Variants in TDRD7 observed in about 807,000 individuals in gnomAD.
The protein encoded by TDRD7 is tudor domain-containing protein 7.
TDRD7 carries 47 observed loss-of-function variants against 109.8 expected under a neutral mutation model. The ratio of observed to expected loss-of-function variants is 0.43; its 90% CI spans 0.34 to 0.55. TDRD7 has a LOEUF of 0.55. Ranked by LOEUF, TDRD7 falls within the 20% of genes least tolerant of loss-of-function variation. TDRD7 has a pLI of 0.03. For synonymous variants in TDRD7, 424 were observed against 457.3 expected (o/e 0.93, Z 0.93); for missense variants, 1,164 against 1,319.2 (o/e 0.88, Z 1.82).
chr9:97,483,339 A>C lies in TDRD7; in HGVS notation c.2903A>C (p.Lys968Thr), dbSNP rs1265285054. Residue 968 changes from lysine (K) to threonine (T), a missense_variant, in exon 15 of 17, where the codon AAA becomes ACA. Around this residue, in one of 5 missense-constraint regions of TDRD7, gnomAD observed 162 missense variants for 222.5 expected, o/e 0.73. Transcript: ENST00000355295. ...AVEKDQVYAA[K>T]VENKWHRVLL... ...GAGAAAGACCAAGTGTATGCTGCAAAAGTGGAAAATAAGTAGGTCCTTGGA... is the reference window on the plus strand; with the variant it reads ...GAGAAAGACCAAGTGTATGCTGCAACAGTGGAAAATAAGTAGGTCCTTGGA... The C allele has an allele frequency of 6.2e-7, 1 of 1,613,994 alleles. No individual in the cohort carries two copies. The highest frequency in any genetic ancestry group is 1.1e-5 in the South Asian group (1 of 91,082).
At chr9:97,415,147 T>A (rs1827791379) in intron 1 of TDRD7, among the ~76,000 whole-genome samples, 1 of 152,240 alleles carries the variant, frequency 6.6e-6, no homozygotes, top group South Asian at 2.1e-4. Context: ...CTAATAATTC[T>A]TCTGATTTGT....
At chr9:97,441,159 A>G (rs1231622274) in intron 5 of TDRD7, among the ~76,000 whole-genome samples, 1 of 152,142 alleles carries the variant, frequency 6.6e-6, no homozygotes, top group Non-Finnish European at 1.5e-5. Flanking sequence ...TAAAGGTGAA[A>G]ATTGATCATA....
intron 6 of TDRD7, among the ~76,000 whole-genome samples, chr9:97,454,148 A>G (rs950746111): frequency 2.6e-5 from 4 of 152,350 alleles, no homozygotes; most frequent in East Asian, 3.9e-4. Flanking sequence ...ATTTGGAAGT[A>G]AAATGCTCCT....
At position 97,412,433 on chromosome 9, in the gene TDRD7, C is replaced by T. The variant is rs1451402274; in HGVS notation, c.-7+195C>T. ...GACGCCTGGGAACCGGGCTGGGCGC[C>T]GGGGGAGTTGGAGTTCCAGAGCGTT... is the stretch of plus-strand genomic sequence containing the variant. On this transcript the variant is annotated intron_variant, in intron 1 of 16. Coordinates refer to ENST00000355295, the MANE Select transcript of TDRD7 (RefSeq NM_014290.3). This position sits in a 1 kb window ranked among gnomAD's most constrained non-coding sequence, Gnocchi z 4.3. Among the ~76,000 whole-genome samples, 1 of 152,148 alleles carries T rather than the reference C, an allele frequency of 6.6e-6. No homozygotes were observed. Among genetic ancestry groups the T allele is most frequent in the African/African-American group, 2.4e-5 (1 of 41,448 alleles).
intron 6 of TDRD7, among the ~76,000 whole-genome samples, chr9:97,455,280 A>C (rs1472512808): frequency 6.6e-6 from 1 of 152,212 alleles, no homozygotes; most frequent in African/African-American, 2.4e-5. Flanking sequence ...TTCTGAAACT[A>C]TTCCAAACAA....
At chr9:97,492,402 C>G (rs1829323003) in intron 16 of TDRD7, among the ~76,000 whole-genome samples, 1 of 152,248 alleles carries the variant, frequency 6.6e-6, no homozygotes, top group South Asian at 2.1e-4. Flanking sequence ...ACTCAGCACT[C>G]TGCCTCTTCA....
chr9:97,468,322 A>G (rs1828853043), intron 8 of TDRD7, among the ~76,000 whole-genome samples: 3 of 152,232 alleles, frequency 2.0e-5, no homozygotes, highest in Non-Finnish European at 4.4e-5. Flanking sequence ...CAAAGAAGAA[A>G]AACCAAGAGA....
intron 10 of TDRD7, 132 bp downstream of exon 10, chr9:97,472,627 G>A: frequency 6.1e-6 from 5 of 816,846 alleles, no homozygotes; most frequent in Non-Finnish European, 1.0e-5. Context: ...AAAGGAGGGA[G>A]TGGGGCTAGA....
Position 97,475,491 on chromosome 9 carries a change from T to G in TDRD7, c.2166+22T>G, listed in dbSNP as rs146331231. 1.2e-4 allele frequency: 179 copies of G among 1,536,626 alleles called. 1 individual carries two copies. The East Asian group carries it at 4.0e-3, about 34-fold the overall frequency. The stretch of plus-strand genomic sequence containing the variant: ...AGAGGTAAAAATCAGTCACTTGGCT[T>G]TTTAATCTTAACTTATTGTGAAATA... On this transcript the variant is annotated intron_variant, in intron 12 of 16. Transcript: ENST00000355295.
chr9:97,486,069 AAC>A (rs1392640776), intron 15 of TDRD7, among the ~76,000 whole-genome samples: 3 of 152,142 alleles, frequency 2.0e-5, no homozygotes, highest in Non-Finnish European at 4.4e-5. Flanking sequence ...GGGCTGGAGA[AAC>A]AGTCCATTCC....
chr9:97,429,929 T>C (rs941063691), intron 2 of TDRD7, among the ~76,000 whole-genome samples: 7 of 152,258 alleles, frequency 4.6e-5, no homozygotes, highest in Non-Finnish European at 8.8e-5. Context: ...ACATTTTAAA[T>C]GTTTCCAGGT....
intron 4 of TDRD7, among the ~76,000 whole-genome samples, chr9:97,437,509 C>T (rs1828224972): frequency 6.6e-6 from 1 of 152,286 alleles, no homozygotes; most frequent in Non-Finnish European, 1.5e-5. Context: ...TTTGTGATCC[C>T]TTCAGCCTTG....
chr9:97,475,025 C>T (rs1428269671), intron 11 of TDRD7, among the ~76,000 whole-genome samples: 1 of 152,202 alleles, frequency 6.6e-6, no homozygotes, highest in Non-Finnish European at 1.5e-5. Context: ...CCACAGACAG[C>T]TCTCGCAACC....
intron 7 of TDRD7, among the ~76,000 whole-genome samples, chr9:97,463,079 G>T (rs1828755374): frequency 6.6e-6 from 1 of 152,244 alleles, no homozygotes. Flanking sequence ...GAGTGCAACT[G>T]CATTCAAGGC....
At chr9:97,467,402 G>A (rs143408126) in intron 8 of TDRD7, among the ~76,000 whole-genome samples, 157 of 152,150 alleles carry the variant, frequency 1.0e-3, no homozygotes, top group African/African-American at 3.7e-3. Flanking sequence ...ATAGAACTGA[G>A]TCTCAGCTTT....
At chr9:97,454,660 C>G (rs1482041805) in intron 6 of TDRD7, among the ~76,000 whole-genome samples, 1 of 152,062 alleles carries the variant, frequency 6.6e-6, no homozygotes, top group African/African-American at 2.4e-5. Context: ...GACAATGTAC[C>G]AGAATCTCTG....
chr9:97,449,185 T>G (rs1246075798), intron 6 of TDRD7, among the ~76,000 whole-genome samples: 1 of 152,196 alleles, frequency 6.6e-6, no homozygotes, highest in African/African-American at 2.4e-5. Context: ...TTTCCTCTGC[T>G]GTCACACCAC....
chr9:97,470,998 G>T (rs1379828166), intron 9 of TDRD7, among the ~76,000 whole-genome samples: 2 of 152,092 alleles, frequency 1.3e-5, no homozygotes, highest in Non-Finnish European at 2.9e-5. Flanking sequence ...ATGTTGTTCA[G>T]CATGTTGTGA....
At chr9:97,469,965 G>A (rs943510268) in intron 8 of TDRD7, among the ~76,000 whole-genome samples, 4 of 151,984 alleles carry the variant, frequency 2.6e-5, no homozygotes, top group East Asian at 1.9e-4. Context: ...AAATAGGTAC[G>A]CCTGTTTTTT....
Sources: gnomAD v4.1 joint callset for allele counts (sites outside exome capture counted in the v4.1 genomes callset) on GRCh38, gnomAD v4.1.1 for gene constraint, gnomAD v4.1.1 regional missense constraint, Gnocchi (gnomAD v3.1) non-coding constraint, MANE v1.5 for transcripts, NCBI Gene and HGNC (gene_info 2026-07-23, HGNC 2026-07-21) for gene names.